The following ANAPC11 variants were observed in gnomAD, a reference collection of about 807,000 sequenced individuals.
The protein encoded by ANAPC11 is anaphase-promoting complex subunit 11.
Under a neutral mutation model 11.8 loss-of-function variants are expected in ANAPC11, and 5 were observed. The observed-to-expected ratio is 0.42, with a 90% CI of 0.22 to 0.89. The LOEUF (loss-of-function observed/expected upper bound fraction) is 0.89, where lower values mean the gene tolerates loss of function less well. Ranked by LOEUF, ANAPC11 falls within the 40% of genes least tolerant of loss-of-function variation. The pLI, the probability that ANAPC11 is intolerant of heterozygous loss-of-function variation, is 0.28. For missense variants in ANAPC11, 68 were observed against 112.9 expected (o/e 0.60, Z 1.80); for synonymous variants, 45 against 41.0 (o/e 1.10, Z -0.38).
upstream of ANAPC11, chr17:81,890,875 C>T: frequency 1.9e-6 from 3 of 1,612,174 alleles, no homozygotes; most frequent in South Asian, 1.1e-5. Context: ...CAGGGCTTTC[C>T]TGACCCTCAC....
chr17:81,895,573 G>T (rs983616420), intron 3 of ANAPC11, among the ~76,000 whole-genome samples: 2 of 152,166 alleles, frequency 1.3e-5, no homozygotes, highest in African/African-American at 2.4e-5. Context: ...CACTGTGGGA[G>T]GCCGAGGCGG....
chr17:81,891,337 C>T (rs2039525152), upstream of ANAPC11: 1 of 1,163,788 alleles, frequency 8.6e-7, no homozygotes, highest in Non-Finnish European at 1.1e-6. Context: ...CTGTAGGGCG[C>T]CGGTCGGTTC....
At chr17:81,894,000 A>G (rs144796634) in intron 2 of ANAPC11, among the ~76,000 whole-genome samples, 13 of 151,736 alleles carry the variant, frequency 8.6e-5, no homozygotes, top group African/African-American at 1.9e-4. Context: ...GGCTCATAGC[A>G]GGGCATAGGG....
At chr17:81,899,746 G>T (rs552898775) in intron 3 of ANAPC11, 174 bp from the exon 4 acceptor site, 25 of 951,704 alleles carry the variant, frequency 2.6e-5, no homozygotes, top group Non-Finnish European at 3.7e-5. Context: ...CCTGGGGGCG[G>T]GCTGGTCAGG....
upstream of ANAPC11, chr17:81,891,625 G>A: frequency 2.3e-6 from 3 of 1,331,462 alleles, no homozygotes; most frequent in South Asian, 1.4e-5. Context: ...CACTTCCGGC[G>A]CCGCGTGAGG....
At chr17:81,899,321 T>G (rs753279624) in intron 3 of ANAPC11, 1 of 1,613,596 alleles carries the variant, frequency 6.2e-7, no homozygotes, top group Non-Finnish European at 8.5e-7. Context: ...GCAGGGCCCA[T>G]CCACAGGTGC....
At chr17:81,899,650 T>G in intron 3 of ANAPC11, 1 of 1,307,322 alleles carries the variant, frequency 7.6e-7, no homozygotes, top group Non-Finnish European at 1.0e-6. Flanking sequence ...CTGAGCATGA[T>G]GAGCCTGGGT....
intron 3 of ANAPC11, 23 bp from the exon 4 acceptor site, chr17:81,899,896 CT>C: frequency 6.2e-7 from 1 of 1,600,940 alleles, no homozygotes; most frequent in Admixed American, 1.7e-5. Context: ...CATGCCTGTC[CT>C]TTTCCCCACC....
Position 81,899,975 on chromosome 17 carries a change from C to T in ANAPC11, c.165C>T (p.Phe55=). Residue 55 remains phenylalanine, a synonymous_variant, in exon 4 of 4, where the codon TTC becomes TTT. Transcript: ENST00000344877. ...PLVWGQCSHC[F]HMHCILKWLH... ...TGTGGGGCCAGTGCTCCCACTGCTT[C>T]CACATGCATTGCATCCTCAAGTGGC... is the stretch of plus-strand genomic sequence containing the variant. 4 of 1,613,136 alleles carry T rather than the reference C, an allele frequency of 2.5e-6. No individual in the cohort carries two copies. The highest frequency in any genetic ancestry group is 3.4e-6 in the Non-Finnish European group (4 of 1,179,974).
chr17:81,891,729 A>G lies in ANAPC11; in HGVS notation c.-187A>G. Reference sequence around the variant, plus strand: ...GGGTGAGGCGGGGAGGCGCGTGCGCACTGGCGTGCGAGACTCGGCGGGCGC... The same window carrying G: ...GGGTGAGGCGGGGAGGCGCGTGCGCGCTGGCGTGCGAGACTCGGCGGGCGC... On this transcript the variant is annotated 5_prime_UTR_variant, in exon 1 of 4. Coordinates refer to ENST00000344877, the MANE Select transcript of ANAPC11 (RefSeq NM_001002248.3). The G allele has an allele frequency of 1.5e-6, 1 of 657,768 alleles. No homozygotes were observed. The highest frequency in any genetic ancestry group is 2.1e-6 in the Non-Finnish European group (1 of 485,486). The allele number at this position is 657,768 out of a possible 1,614,324, so 40.7% of individuals were successfully genotyped here.
At chr17:81,897,063 C>A (rs1211673693) in intron 3 of ANAPC11, among the ~76,000 whole-genome samples, 1 of 152,122 alleles carries the variant, frequency 6.6e-6, no homozygotes. Context: ...TGCAGTGGCA[C>A]GATCTTGGCT....
rs2039845372 is a variant in ANAPC11, at chr17:81,899,134, T to C, written c.110-786T>C. 7 of 1,207,160 alleles carry C rather than the reference T, an allele frequency of 5.8e-6. No individual in the cohort carries two copies. In the South Asian group the frequency reaches 7.5e-5, roughly 13 times the overall value. The allele number at this position is 1,207,160 out of a possible 1,614,324, so 74.8% of individuals were successfully genotyped here. On this transcript the variant is annotated intron_variant, in intron 3 of 3. Coordinates refer to ENST00000344877, the MANE Select transcript of ANAPC11 (RefSeq NM_001002248.3). ...CCGTGGGGCTGGGGCTGGGACTTGCTGTGCTCTGTTGGCAGCAGCTGTTCC... is the reference window on the plus strand; with the variant it reads ...CCGTGGGGCTGGGGCTGGGACTTGCCGTGCTCTGTTGGCAGCAGCTGTTCC...
chr17:81,890,981 G>T, upstream of ANAPC11: 1 of 1,102,806 alleles, frequency 9.1e-7, no homozygotes, highest in Non-Finnish European at 1.3e-6. Context: ...CCCAGCCCGA[G>T]GCCGCACGGT....
intron 3 of ANAPC11, chr17:81,899,165 G>A (rs1049795862): frequency 4.8e-6 from 7 of 1,444,590 alleles, no homozygotes; most frequent in African/African-American, 4.2e-5. Context: ...GTTCCTCAGG[G>A]GTTTCCAGGC....
chr17:81,890,823 G>A (rs981033407), upstream of ANAPC11: 4 of 1,587,428 alleles, frequency 2.5e-6, no homozygotes, highest in East Asian at 2.3e-5. Context: ...TGTTTTGGCT[G>A]AAAAAAAAAC....
At chr17:81,899,418 C>G in intron 3 of ANAPC11, 1 of 1,614,000 alleles carries the variant, frequency 6.2e-7, no homozygotes, top group South Asian at 1.1e-5. Context: ...AGACCCCACC[C>G]CTCCTGCCCT....
At chr17:81,896,587 G>T (rs1197647443) in intron 3 of ANAPC11, among the ~76,000 whole-genome samples, 2 of 152,078 alleles carry the variant, frequency 1.3e-5, no homozygotes, top group Non-Finnish European at 2.9e-5. Flanking sequence ...GGACAGTGGG[G>T]AATGGAGAGG....
At chr17:81,898,981 TG>T (rs1402812982) in intron 3 of ANAPC11, 4 of 562,902 alleles carry the variant, frequency 7.1e-6, no homozygotes, top group Non-Finnish European at 1.3e-5. Context: ...CAAGCAGAGT[TG>T]TGCTGAGGCC....
intron 3 of ANAPC11, 98 bp from the exon 4 acceptor site, chr17:81,899,822 C>T: frequency 2.4e-6 from 3 of 1,251,042 alleles, no homozygotes; most frequent in Middle Eastern, 2.8e-4. Context: ...GTGCTGGAGC[C>T]ACTGCCCAGG....
Sources: gnomAD v4.1 joint callset for allele counts (sites outside exome capture counted in the v4.1 genomes callset) on GRCh38, gnomAD v4.1.1 for gene constraint, MANE v1.5 for transcripts, NCBI Gene and HGNC (gene_info 2026-07-23, HGNC 2026-07-21) for gene names.